The following CFAP251 variants were observed in gnomAD, a reference collection of about 807,000 sequenced individuals.
CFAP251 encodes cilia- and flagella-associated protein 251.
In CFAP251, 93 loss-of-function variants were observed where a neutral mutation model predicts 126.7. The observed-to-expected ratio is 0.73, with a 90% CI of 0.62 to 0.87. The LOEUF (loss-of-function observed/expected upper bound fraction) is 0.87. Among genes scored for constraint, CFAP251 ranks in the 40% least tolerant of loss-of-function variants. CFAP251 has a pLI of 0.00. For missense variants in CFAP251, 1,287 were observed against 1,389.2 expected (o/e 0.93, Z 1.17); for synonymous variants, 503 against 506.9 (o/e 0.99, Z 0.10).
chr12:121,928,683 TATATAC>T (rs1880547161), intron 3 of CFAP251, among the ~76,000 whole-genome samples: 1 of 39,828 alleles, frequency 2.5e-5, no homozygotes, highest in African/African-American at 5.9e-5. Context: ...TATATATATA[TATATAC>T]GTATATATAT....
chr12:121,987,943 T>A (rs1283815728), intron 19 of CFAP251, among the ~76,000 whole-genome samples: 5 of 152,078 alleles, frequency 3.3e-5, no homozygotes, highest in Admixed American at 2.6e-4. Context: ...CAACACTGGT[T>A]ATTGCTGCAG....
intron 15 of CFAP251, among the ~76,000 whole-genome samples, chr12:121,964,071 G>A (rs1409638268): frequency 6.6e-6 from 1 of 152,134 alleles, no homozygotes; most frequent in East Asian, 1.9e-4. Context: ...AGCTGGCTCA[G>A]GCTTGAAGAC....
intron 19 of CFAP251, among the ~76,000 whole-genome samples, chr12:121,979,874 A>G (rs1031560543): frequency 6.6e-6 from 1 of 152,022 alleles, no homozygotes; most frequent in Non-Finnish European, 1.5e-5. Flanking sequence ...CCTCAGCCTT[A>G]TTCTTTGGTT....
intron 4 of CFAP251, chr12:121,933,164 G>C (rs1880758314): frequency 6.6e-6 from 1 of 152,254 alleles, no homozygotes; most frequent in Non-Finnish European, 1.5e-5. Flanking sequence ...ATTGTAACCA[G>C]TGCTTGAAAG....
rs1367510745 is a variant in CFAP251, at chr12:121,960,572, T to C, written c.2134-13T>C. 1 of 1,613,676 alleles carries C rather than the reference T, an allele frequency of 6.2e-7. No individual in the cohort carries two copies. The highest frequency in any genetic ancestry group is 2.2e-5 in the East Asian group (1 of 44,886). ...TAAAATGGGATAACTCCTTCTCTTT[T>C]GCTCATCTTCAGGATAGAAGTTTTA... is the stretch of plus-strand genomic sequence containing the variant. On this transcript the variant is annotated splice_polypyrimidine_tract_variant and intron_variant, in intron 13 of 21. Coordinates refer to ENST00000288912, the MANE Select transcript of CFAP251 (RefSeq NM_144668.6).
intron 19 of CFAP251, chr12:121,999,452 T>G: frequency 4.0e-6 from 1 of 251,882 alleles, no homozygotes; most frequent in Non-Finnish European, 7.8e-6. Flanking sequence ...CTTGGCTCAC[T>G]GTAACCTCAA....
At position 121,931,734 on chromosome 12, in the gene CFAP251, C is replaced by G; in HGVS notation, c.748-12C>G. On this transcript the variant is annotated splice_polypyrimidine_tract_variant and intron_variant, in intron 3 of 21. Coordinates refer to ENST00000288912, the MANE Select transcript of CFAP251 (RefSeq NM_144668.6). ...GCTGTAATGTCTTGCTGGCTTTGCC[C>G]TTGTCTTCCAGACCATGACCTGGTC... 5.2e-6 allele frequency: 8 copies of G among 1,546,092 alleles called. No individual in the cohort carries two copies. Among genetic ancestry groups the G allele is most frequent in the Non-Finnish European group, 6.1e-6 (7 of 1,150,500 alleles).
intron 19 of CFAP251, among the ~76,000 whole-genome samples, chr12:121,986,705 A>G (rs1882757623): frequency 1.3e-5 from 2 of 150,720 alleles, no homozygotes; most frequent in African/African-American, 2.4e-5. Context: ...TCAAGGCTGC[A>G]GTGAGCCATG....
In CFAP251 at chr12:121,968,151, A is replaced by G. The variant is rs748089809; in HGVS notation, c.2753A>G (p.Gln918Arg). The part of the protein sequence containing the change: ...TAGGHDRSVV[Q>R]WKITLSVLEA... ...GGAGGGCACGATCGCTCGGTGGTGC[A>G]GTGGAAAATCACCTTAAGGTACACG... The change falls in exon 17 of 22, where the codon CAG becomes CGG. Residue 918 changes from glutamine to arginine, a missense_variant. Coordinates refer to ENST00000288912, the MANE Select transcript of CFAP251 (RefSeq NM_144668.6). 1 of 1,607,542 alleles carries G rather than the reference A, an allele frequency of 6.2e-7. No individual in the cohort carries two copies. Among genetic ancestry groups the G allele is most frequent in the Non-Finnish European group, 8.5e-7 (1 of 1,175,212 alleles).
chr12:121,966,007 CG>C (rs1459851526), intron 15 of CFAP251, among the ~76,000 whole-genome samples: 1 of 151,710 alleles, frequency 6.6e-6, no homozygotes, highest in African/African-American at 2.4e-5. Context: ...AGGCTGGACT[CG>C]AACTCCTAAC....
At chr12:121,969,368 C>G (rs1318588478) in intron 17 of CFAP251, 2 of 985,308 alleles carry the variant, frequency 2.0e-6, no homozygotes, top group African/African-American at 3.5e-5. Flanking sequence ...GAGGTGAACT[C>G]TCCTATTGAA....
chr12:121,929,662 A>G (rs1592964505), intron 3 of CFAP251, among the ~76,000 whole-genome samples: 1 of 149,582 alleles, frequency 6.7e-6, no homozygotes, highest in South Asian at 2.1e-4. Context: ...TCCTCCCCTG[A>G]GCCCTGGCAA....
chr12:121,919,638 G>A (rs1003371040), intron 1 of CFAP251, among the ~76,000 whole-genome samples: 19 of 152,144 alleles, frequency 1.2e-4, no homozygotes, highest in Non-Finnish European at 1.8e-4. Context: ...GAGCAAGTAC[G>A]TGGTGGAAAT....
chr12:121,982,391 T>C (rs1376302026), intron 19 of CFAP251, among the ~76,000 whole-genome samples: 1 of 151,804 alleles, frequency 6.6e-6, no homozygotes, highest in African/African-American at 2.4e-5. Context: ...ATTTTTTTTT[T>C]TTTTTGAGAC....
chr12:121,921,328 C>A lies in CFAP251; in HGVS notation c.23C>A (p.Pro8His). Residue 8 changes from proline to histidine, a missense_variant, in exon 2 of 22, where the codon CCC becomes CAC. Coordinates refer to ENST00000288912, the MANE Select transcript of CFAP251 (RefSeq NM_144668.6). MSDAAEA[P>H]REATGENGET... is the part of the protein sequence containing the mutation. Reference sequence around the variant, plus strand: ...AGAATGTCAGATGCAGCAGAAGCTCCCCGAGAAGCAACAGGAGAAAATGGA... The same window carrying A: ...AGAATGTCAGATGCAGCAGAAGCTCACCGAGAAGCAACAGGAGAAAATGGA... The A allele has an allele frequency of 6.3e-7, 1 of 1,597,218 alleles. No individual in the cohort carries two copies. The highest frequency in any genetic ancestry group is 8.5e-7 in the Non-Finnish European group (1 of 1,175,036).
intron 17 of CFAP251, chr12:121,971,519 T>G: frequency 1.4e-6 from 1 of 702,470 alleles, no homozygotes; most frequent in Admixed American, 2.0e-5. Flanking sequence ...GGGCCTGCAC[T>G]GAGTGAGTTC....
chr12:121,987,365 A>G (rs372895202), intron 19 of CFAP251, among the ~76,000 whole-genome samples: 3 of 152,170 alleles, frequency 2.0e-5, no homozygotes, highest in African/African-American at 7.2e-5. Context: ...TGCTTTTCAC[A>G]TGTAAAGCAT....
In CFAP251 at chr12:121,918,714, T is replaced by G. The variant is rs1388388968; in HGVS notation, c.-21+19T>G. 6.6e-6 allele frequency: 1 copy of G among 152,426 alleles called. No individual in the cohort carries two copies. The highest frequency in any genetic ancestry group is 1.9e-4 in the East Asian group (1 of 5,192). The allele number at this position is 152,426 out of a possible 1,614,324, so 9.4% of individuals were successfully genotyped here. A position where few individuals can be genotyped will look rare whatever the true frequency, so the allele number is the denominator to read the frequency against. ...GACCGGGGTGGGTGCTCTCTGTAAG[T>G]CCGGGGCGGAGGCCACGCGGCCCTG... On this transcript the variant is annotated intron_variant, in intron 1 of 21. Transcript: ENST00000288912. The surrounding 1 kb of genome is among the most constrained non-coding windows in gnomAD (Gnocchi z 4.3).
Position 121,923,798 on chromosome 12 carries a change from A to C in CFAP251, c.555A>C (p.Lys185Asn), listed in dbSNP as rs767336460. 3 of 1,614,092 alleles carry C rather than the reference A, an allele frequency of 1.9e-6. No homozygotes were observed. In the Admixed American group the frequency reaches 5.0e-5, roughly 27 times the overall value. Residue 185 changes from lysine (K) to asparagine (N), a missense_variant, in exon 3 of 22, where the codon AAA becomes AAC. By Grantham distance (94) the Lys-to-Asn change is moderately conservative. Transcript: ENST00000288912. The stretch of plus-strand genomic sequence containing the variant: ...AGCCCTCAGGAGAGCTTGAGGAGAA[A>C]ACCGACCGGATGCCCCAAGATGAAC... ...ERQPSGELEE[K>N]TDRMPQDELG...
Sources: allele counts gnomAD v4.1 joint callset (sites outside exome capture counted in the v4.1 genomes callset), GRCh38; gene constraint gnomAD v4.1.1; non-coding constraint Gnocchi (gnomAD v3.1); transcripts MANE v1.5; gene names NCBI Gene and HGNC (gene_info 2026-07-23, HGNC 2026-07-21).